The following TTC27 variants were observed in gnomAD, a reference collection of about 807,000 sequenced individuals.
The protein encoded by TTC27 is tetratricopeptide repeat protein 27.
TTC27 carries 79 observed loss-of-function variants against 115.9 expected under a neutral mutation model. The ratio of observed to expected loss-of-function variants is 0.68; its 90% CI spans 0.57 to 0.82. The LOEUF is 0.82. TTC27 is among the 40% of genes least tolerant of loss of function. TTC27 has a pLI of 0.00. For missense variants in TTC27, 1,054 were observed against 993.1 expected (o/e 1.06, Z -0.82); for synonymous variants, 401 against 356.0 (o/e 1.13, Z -1.42).
intron 1 of TTC27, among the ~76,000 whole-genome samples, chr2:32,628,806 G>A (rs2063534488): frequency 6.6e-6 from 1 of 151,602 alleles, no homozygotes; most frequent in African/African-American, 2.4e-5. Flanking sequence ...TTTTGCCCAG[G>A]CTGGAGTGCA....
At chr2:32,677,373 T>A (rs1409798705) in intron 8 of TTC27, among the ~76,000 whole-genome samples, 1 of 152,094 alleles carries the variant, frequency 6.6e-6, no homozygotes, top group African/African-American at 2.4e-5. Context: ...TGTTCAAGAA[T>A]TCCTCTGGTC....
chr2:32,752,411 G>GT (rs2147985640), intron 12 of TTC27, among the ~76,000 whole-genome samples: 1 of 152,314 alleles, frequency 6.6e-6, no homozygotes, highest in East Asian at 1.9e-4. Flanking sequence ...ACTTTGTTTA[G>GT]TTTTGGCCAC....
At chr2:32,732,040 G>A (rs533670676) in intron 10 of TTC27, among the ~76,000 whole-genome samples, 74 of 151,884 alleles carry the variant, frequency 4.9e-4, no homozygotes, top group African/African-American at 1.3e-3. Flanking sequence ...TTAATGGAGA[G>A]CATTAGTTAT....
rs185885929 is a variant in TTC27 at position 32,785,335 on chromosome 2, A to T, written c.1833-1649A>T. On this transcript the variant is annotated intron_variant, in intron 15 of 19. Transcript: ENST00000317907. ...TTTGATCATAGAATTTATGATCAAA[A>T]TTTTTTTTGAAATTTGTTCATTTCT... 6.9e-3 allele frequency among the ~76,000 whole-genome samples: 1,049 copies of T among 152,092 alleles called. 9 individuals carry two copies. The highest frequency in any genetic ancestry group is 0.02 in the African/African-American group (830 of 41,488).
intron 5 of TTC27, 120 bp downstream of exon 5, chr2:32,650,353 CTTTTTTTTTTT>C (rs368973893): frequency 5.7e-5 from 12 of 211,084 alleles, no homozygotes; most frequent in Middle Eastern, 1.5e-3. Flanking sequence ...TGAGTTGTTT[CTTTTTTTTTTT>C]TTTTTTTTTT....
rs1215485107 is a variant in TTC27, at chr2:32,628,078, A to G, written c.-215A>G. On this transcript the variant is annotated 5_prime_UTR_variant, in exon 1 of 20. Coordinates refer to ENST00000317907, the MANE Select transcript of TTC27 (RefSeq NM_017735.5). ...CTCCTAGGCGGAAGCCAGACCAGAG[A>G]GCGTGCGTGTTTTTCCCAGGGTGCC... 3.7e-6 allele frequency: 2 copies of G among 547,260 alleles called. No homozygotes were observed. The highest frequency in any genetic ancestry group is 3.2e-6 in the Non-Finnish European group (1 of 308,588). 33.9% of individuals were successfully genotyped at this position (547,260 alleles called of 1,614,324 possible). A position where few individuals can be genotyped will look rare whatever the true frequency, so the allele number is the denominator to read the frequency against.
chr2:32,815,222 G>GTTTT (rs1389358934), intron 18 of TTC27, among the ~76,000 whole-genome samples: 2 of 65,602 alleles, frequency 3.0e-5, no homozygotes, highest in South Asian at 6.0e-4. Context: ...TGCTGCTTCA[G>GTTTT]ATTTTTTTTT....
intron 5 of TTC27, among the ~76,000 whole-genome samples, chr2:32,650,962 G>A (rs1034468943): frequency 6.6e-6 from 1 of 151,644 alleles, no homozygotes; most frequent in African/African-American, 2.4e-5. Flanking sequence ...CTTAATACTT[G>A]GTTTCCAGTC....
intron 10 of TTC27, among the ~76,000 whole-genome samples, chr2:32,724,488 G>GTT (rs969785662): frequency 6.8e-6 from 1 of 147,994 alleles, no homozygotes; most frequent in African/African-American, 2.5e-5. Flanking sequence ...CCACCACACA[G>GTT]TTTTTTTTTT....
At chr2:32,653,598 A>AC (rs1471442181) in intron 5 of TTC27, among the ~76,000 whole-genome samples, 1 of 151,142 alleles carries the variant, frequency 6.6e-6, no homozygotes, top group East Asian at 1.9e-4. Context: ...CATCTCAAAA[A>AC]AAAAAAAACA....
At chr2:32,731,080 T>G (rs1010105794) in intron 10 of TTC27, among the ~76,000 whole-genome samples, 15 of 152,092 alleles carry the variant, frequency 9.9e-5, no homozygotes, top group African/African-American at 2.2e-4. Context: ...GGGGTTTTTT[T>G]TGTGTTTTTG....
At chr2:32,671,541 A>T (rs114427116) in intron 7 of TTC27, among the ~76,000 whole-genome samples, 1 of 152,210 alleles carries the variant, frequency 6.6e-6, no homozygotes, top group African/African-American at 2.4e-5. Context: ...TTTGAACTGT[A>T]TTCTATTCCA....
chr2:32,798,142 C>T (rs1211246892), intron 16 of TTC27, among the ~76,000 whole-genome samples: 1 of 150,780 alleles, frequency 6.6e-6, no homozygotes, highest in Admixed American at 6.6e-5. Flanking sequence ...CGCGGTGGCT[C>T]ACACCTGTAA....
chr2:32,628,745 A>G (rs1269805554), intron 1 of TTC27, among the ~76,000 whole-genome samples: 8 of 122,186 alleles, frequency 6.5e-5, no homozygotes, highest in Non-Finnish European at 3.7e-5. Context: ...TTATCTATTT[A>G]TTTATTTATT....
At position 32,713,052 on chromosome 2, in the gene TTC27, G is replaced by A. The variant is rs1469382602; in HGVS notation, c.1233+10132G>A. Among the ~76,000 whole-genome samples, 8 of 152,062 alleles carry A rather than the reference G, an allele frequency of 5.3e-5. 1 individual carries two copies. Among genetic ancestry groups the A allele is most frequent in the African/African-American group, 1.9e-4 (8 of 41,326 alleles). On this transcript the variant is annotated intron_variant, in intron 10 of 19. Transcript: ENST00000317907. ...GGTTAGGTTCCTGATAAAAGAATGA[G>A]TTTGGCTTCCTTCCCTCTCTCTCTC...
chr2:32,696,323 T>G (rs1666987550), intron 9 of TTC27, among the ~76,000 whole-genome samples: 1 of 151,556 alleles, frequency 6.6e-6, no homozygotes, highest in African/African-American at 2.4e-5. Context: ...AGAGTCTCAC[T>G]CTGTCGCCCA....
chr2:32,684,780 T>C (rs1455199281), intron 9 of TTC27, among the ~76,000 whole-genome samples: 1 of 152,004 alleles, frequency 6.6e-6, no homozygotes, highest in African/African-American at 2.4e-5. Context: ...ATTACTAGAG[T>C]TGATTACTTC....
At chr2:32,798,715 ATAATAAT>A (rs373380590) in intron 16 of TTC27, among the ~76,000 whole-genome samples, 1 of 129,782 alleles carries the variant, frequency 7.7e-6, no homozygotes, top group African/African-American at 3.0e-5. Flanking sequence ...AAAAAAAAAA[ATAATAAT>A]AATAATAATA....
chr2:32,782,180 G>A (rs1176818826), intron 14 of TTC27, among the ~76,000 whole-genome samples: 1 of 152,090 alleles, frequency 6.6e-6, no homozygotes, highest in South Asian at 2.1e-4. Context: ...TATCTTTGAT[G>A]GATGAAATAC....
Sources: allele counts gnomAD v4.1 joint callset (sites outside exome capture counted in the v4.1 genomes callset), GRCh38; gene constraint gnomAD v4.1.1; transcripts MANE v1.5; gene names NCBI Gene and HGNC (gene_info 2026-07-23, HGNC 2026-07-21).